Variants in EYA1 observed in about 807,000 individuals in gnomAD.
EYA1 encodes the protein protein phosphatase EYA1.
EYA1 carries 16 observed loss-of-function variants against 82.0 expected under a neutral mutation model. The ratio of observed to expected loss-of-function variants is 0.20; its 90% CI spans 0.13 to 0.30. The LOEUF is 0.30. EYA1 is among the 10% of genes least tolerant of loss of function. The pLI is 1.00. For synonymous variants in EYA1, 261 were observed against 264.4 expected (o/e 0.99, Z 0.12); for missense variants, 633 against 730.7 (o/e 0.87, Z 1.54).
At chr8:71,498,476 T>C (rs906687792) in intron 2 of EYA1, among the ~76,000 whole-genome samples, 3 of 152,168 alleles carry the variant, frequency 2.0e-5, no homozygotes, top group Admixed American at 1.3e-4. Context: ...CTCAGAACCC[T>C]TCTAGATGTT....
chr8:71,247,152 G>A (rs1813203999), intron 11 of EYA1, among the ~76,000 whole-genome samples: 1 of 150,968 alleles, frequency 6.6e-6, no homozygotes, highest in Non-Finnish European at 1.5e-5. Flanking sequence ...CACCCCCTTA[G>A]CACTACCCAC....
chr8:71,258,818 C>A (rs934538365), intron 11 of EYA1, among the ~76,000 whole-genome samples: 1 of 152,080 alleles, frequency 6.6e-6, no homozygotes, highest in Non-Finnish European at 1.5e-5. Context: ...GTTTTGAAGG[C>A]GGTATGTATT....
At chr8:71,212,706 T>C (rs957733287) in intron 16 of EYA1, among the ~76,000 whole-genome samples, 8 of 152,218 alleles carry the variant, frequency 5.3e-5, no homozygotes, top group Non-Finnish European at 1.0e-4. Context: ...GATGAGTCCA[T>C]TTTGTCTGAA....
intron 2 of EYA1, among the ~76,000 whole-genome samples, chr8:71,432,953 G>T (rs888794177): frequency 2.6e-5 from 4 of 152,032 alleles, no homozygotes; most frequent in African/African-American, 7.2e-5. Context: ...CTTTACTCTG[G>T]AATATTGACT....
intron 2 of EYA1, among the ~76,000 whole-genome samples, chr8:71,491,694 G>C (rs995126815): frequency 6.6e-6 from 1 of 152,176 alleles, no homozygotes; most frequent in Non-Finnish European, 1.5e-5. Flanking sequence ...GAGCCATCCA[G>C]TCTGTGGCAG....
rs1223805326 is a variant in EYA1 at position 71,303,542 on chromosome 8, C to T, written c.557-3822G>A. Among the ~76,000 whole-genome samples, 4 of 140,812 alleles carry T rather than the reference C, an allele frequency of 2.8e-5. No individual in the cohort carries two copies. The East Asian group carries it at 6.3e-4, about 22-fold the overall frequency. The allele number at this position is 140,812 out of a possible 152,430, so 92.4% of individuals were successfully genotyped here. On this transcript the variant is annotated intron_variant, in intron 7 of 17. Transcript: ENST00000340726. ...AATAACAATACTAGAGGTGTACATA[C>T]TAGAGAAGCAGGCTCAAGCAATATT...
At chr8:71,545,239 A>G (rs1051038851) in intron 1 of EYA1, among the ~76,000 whole-genome samples, 1 of 152,254 alleles carries the variant, frequency 6.6e-6, no homozygotes, top group Admixed American at 6.5e-5. Flanking sequence ...GATGCACCCT[A>G]CACATAGTAC....
chr8:71,451,074 A>C (rs1014956440), intron 2 of EYA1, among the ~76,000 whole-genome samples: 6 of 152,206 alleles, frequency 3.9e-5, no homozygotes, highest in African/African-American at 1.4e-4. Flanking sequence ...TCATATTTTG[A>C]ATGTTGTGAG....
At position 71,437,992 on chromosome 8, in the gene EYA1, G is replaced by A. The variant is rs2129167731; in HGVS notation, c.34-81481C>T. 1.3e-5 allele frequency among the ~76,000 whole-genome samples: 2 copies of A among 152,212 alleles called. 1 individual carries two copies. Among genetic ancestry groups the A allele is most frequent in the East Asian group, 3.9e-4 (2 of 5,184 alleles). Reference sequence around the variant, plus strand: ...TTAAAAATATTTAGATCAGGGATCTGAAAGGATCTTGACAAAACATCTATT... The same window carrying A: ...TTAAAAATATTTAGATCAGGGATCTAAAAGGATCTTGACAAAACATCTATT... On this transcript the variant is annotated intron_variant, in intron 2 of 18. Transcript: ENST00000643681.
intron 9 of EYA1, among the ~76,000 whole-genome samples, chr8:71,292,492 T>A (rs780143766): frequency 6.6e-6 from 1 of 152,056 alleles, no homozygotes; most frequent in African/African-American, 2.4e-5. Flanking sequence ...AATTTTATTT[T>A]ATAGAGAGTG....
chr8:71,402,296 G>A (rs1003195770), intron 2 of EYA1, among the ~76,000 whole-genome samples: 1 of 152,064 alleles, frequency 6.6e-6, no homozygotes. Context: ...GAAGTCCAGG[G>A]TTTACTAGCA....
intron 3 of EYA1, among the ~76,000 whole-genome samples, chr8:71,340,172 T>C (rs16937599): frequency 0.011 from 1,712 of 152,318 alleles, 35 homozygotes; most frequent in African/African-American, 0.038. Flanking sequence ...AGCAGGTTCT[T>C]CACTGTCTTC....
intron 2 of EYA1, among the ~76,000 whole-genome samples, chr8:71,491,796 G>A (rs367813011): frequency 6.6e-6 from 1 of 152,134 alleles, no homozygotes; most frequent in Non-Finnish European, 1.5e-5. Context: ...TCAGTTATGC[G>A]GTGGTTACTA....
At chr8:71,543,921 C>A (rs537189711) in intron 1 of EYA1, among the ~76,000 whole-genome samples, 2 of 152,230 alleles carry the variant, frequency 1.3e-5, no homozygotes, top group South Asian at 2.1e-4. Flanking sequence ...CTGTGACAAC[C>A]ACAACTCAAG....
rs530486819 is a variant in EYA1 at position 71,397,335 on chromosome 8, T to A, written c.34-40824A>T. Among the ~76,000 whole-genome samples the A allele has an allele frequency of 1.6e-3, 245 of 152,362 alleles. 1 individual carries two copies. The highest frequency in any genetic ancestry group is 5.6e-3 in the African/African-American group (233 of 41,584). The stretch of plus-strand genomic sequence containing the variant: ...TGTGAACTTGATCCTGTCATTATGA[T>A]GTTAGCTGGTTATTTTGCTCATTAG... On this transcript the variant is annotated intron_variant, in intron 2 of 18. Transcript: ENST00000643681.
chr8:71,424,935 C>T (rs1376704459), intron 2 of EYA1, among the ~76,000 whole-genome samples: 1 of 151,864 alleles, frequency 6.6e-6, no homozygotes, highest in East Asian at 1.9e-4. Flanking sequence ...ATGAGAGCTT[C>T]CTGACTTATG....
intron 1 of EYA1, among the ~76,000 whole-genome samples, chr8:71,538,484 A>ATTGATCATTGATC (rs1814888054): frequency 6.6e-6 from 1 of 152,254 alleles, no homozygotes; most frequent in African/African-American, 2.4e-5. Context: ...AATCAACTAG[A>ATTGATCATTGATC]AAGCATCCAC....
chr8:71,233,250 G>GT (rs928233338), intron 12 of EYA1, among the ~76,000 whole-genome samples: 234 of 152,278 alleles, frequency 1.5e-3, no homozygotes, highest in African/African-American at 5.1e-3. Context: ...AATTATTTCT[G>GT]TATCATTTTA....
intron 2 of EYA1, among the ~76,000 whole-genome samples, chr8:71,437,097 A>G (rs2129166989): frequency 6.7e-6 from 1 of 149,010 alleles, no homozygotes; most frequent in South Asian, 2.1e-4. Context: ...ATATATATAT[A>G]TATATATCTT....
Sources: allele counts gnomAD v4.1 joint callset (sites outside exome capture counted in the v4.1 genomes callset), GRCh38; gene constraint gnomAD v4.1.1; transcripts MANE v1.5; gene names NCBI Gene and HGNC (gene_info 2026-07-23, HGNC 2026-07-21).